Variants in PPHLN1 observed in about 807,000 individuals in gnomAD.
PPHLN1 encodes the protein periphilin 1, also known as periphilin-1.
PPHLN1 carries 29 observed loss-of-function variants against 51.3 expected under a neutral mutation model. The observed-to-expected ratio is 0.57, with a 90% CI of 0.42 to 0.77. PPHLN1 has a LOEUF of 0.77. Among genes scored for constraint, PPHLN1 ranks in the 30% least tolerant of loss-of-function variants. The probability of loss-of-function intolerance (pLI) is 0.00; values close to 1 mark genes in which losing one functional copy is unlikely to be tolerated. For missense variants in PPHLN1, 436 were observed against 438.4 expected, an observed-to-expected ratio of 0.99 and a Z score of 0.05; for synonymous variants, 147 against 147.8, an observed-to-expected ratio of 0.99 and a Z score of 0.04.
intron 9 of PPHLN1, among the ~76,000 whole-genome samples, chr12:42,415,201 T>G (rs537157354): frequency 6.6e-6 from 1 of 152,348 alleles, no homozygotes; most frequent in Non-Finnish European, 1.5e-5. Context: ...AGACGTAGTC[T>G]TGCTCTGTCG....
intron 9 of PPHLN1, among the ~76,000 whole-genome samples, chr12:42,440,974 T>C (rs1290569514): frequency 6.6e-6 from 1 of 152,264 alleles, no homozygotes; most frequent in Non-Finnish European, 1.5e-5. Flanking sequence ...ATGAACAAAG[T>C]CATTGATATG....
At chr12:42,425,574 A>G (rs1429707821) in intron 9 of PPHLN1, among the ~76,000 whole-genome samples, 1 of 142,474 alleles carries the variant, frequency 7.0e-6, no homozygotes, top group African/African-American at 2.7e-5. Flanking sequence ...TTTTTAGTAG[A>G]GATGAGGTTT....
intron 9 of PPHLN1, among the ~76,000 whole-genome samples, chr12:42,419,990 A>C (rs2080839804): frequency 6.6e-6 from 1 of 152,230 alleles, no homozygotes; most frequent in Non-Finnish European, 1.5e-5. Flanking sequence ...ATCATAGTCA[A>C]AACTGACTTT....
chr12:42,342,439 A>C (rs1488687219), intron 2 of PPHLN1, among the ~76,000 whole-genome samples: 1 of 152,202 alleles, frequency 6.6e-6, no homozygotes, highest in Non-Finnish European at 1.5e-5. Context: ...TTTTAAATAC[A>C]TGTAAACTTC....
chr12:42,341,615 AATTATT>A (rs372548741), intron 2 of PPHLN1, among the ~76,000 whole-genome samples: 6 of 151,816 alleles, frequency 4.0e-5, no homozygotes, highest in African/African-American at 1.4e-4. Context: ...TATGCTTTTA[AATTATT>A]ATTATTATTA....
At chr12:42,409,141 A>T (rs934332810) in intron 9 of PPHLN1, among the ~76,000 whole-genome samples, 6 of 152,102 alleles carry the variant, frequency 3.9e-5, no homozygotes, top group Non-Finnish European at 7.4e-5. Flanking sequence ...TTTTTGGACC[A>T]TGGTTGACCT....
chr12:42,414,094 T>TG (rs1208226417), intron 9 of PPHLN1, among the ~76,000 whole-genome samples: 1 of 152,144 alleles, frequency 6.6e-6, no homozygotes, highest in Non-Finnish European at 1.5e-5. Flanking sequence ...TGGAGTTCAA[T>TG]GGCACCATCT....
At chr12:42,329,863 A>C (rs1246234655) in intron 1 of PPHLN1, 1 of 152,174 alleles carries the variant, frequency 6.6e-6, no homozygotes, top group Admixed American at 6.5e-5. Context: ...ACACAGAGAC[A>C]AAGTATAGAG....
chr12:42,414,035 T>TTAC (rs1405338879), intron 9 of PPHLN1, among the ~76,000 whole-genome samples: 177 of 150,528 alleles, frequency 1.2e-3, no homozygotes, highest in African/African-American at 4.2e-3. Context: ...TTTATTATTA[T>TTAC]TTTATTTATT....
chr12:42,367,230 A>C (rs938545026), intron 4 of PPHLN1, among the ~76,000 whole-genome samples: 2 of 152,196 alleles, frequency 1.3e-5, no homozygotes, highest in Admixed American at 6.5e-5. Context: ...TTTCCTTCCA[A>C]CACTAACAGA....
chr12:42,357,041 C>T (rs1158019970), intron 4 of PPHLN1, among the ~76,000 whole-genome samples: 3 of 152,248 alleles, frequency 2.0e-5, no homozygotes, highest in Non-Finnish European at 4.4e-5. Context: ...AGCATGAAAA[C>T]TGTAATGAGT....
intron 4 of PPHLN1, among the ~76,000 whole-genome samples, chr12:42,368,280 G>C (rs375124923): frequency 5.3e-5 from 8 of 151,850 alleles, no homozygotes; most frequent in East Asian, 3.9e-4. Context: ...CAAACATTTA[G>C]CTTTTCAATT....
intron 9 of PPHLN1, among the ~76,000 whole-genome samples, chr12:42,435,477 A>G (rs2082400006): frequency 6.6e-6 from 1 of 152,190 alleles, no homozygotes; most frequent in Non-Finnish European, 1.5e-5. Context: ...TTAATACAGC[A>G]CAAGCAGCAA....
At chr12:42,393,029 C>T (rs927837561) in intron 7 of PPHLN1, among the ~76,000 whole-genome samples, 4 of 152,058 alleles carry the variant, frequency 2.6e-5, no homozygotes, top group African/African-American at 9.7e-5. Context: ...AAGTCCATAC[C>T]TTGTTTAGTA....
intron 1 of PPHLN1, chr12:42,332,763 G>A (rs569802374): frequency 2.9e-5 from 29 of 996,034 alleles, no homozygotes; most frequent in Middle Eastern, 3.3e-4. Flanking sequence ...GTGGGACACC[G>A]GTAAATTTTA....
At chr12:42,446,506 C>G (rs2083330900), downstream of PPHLN1, 1 of 1,497,034 alleles carries the variant, frequency 6.7e-7, no homozygotes, top group Non-Finnish European at 9.0e-7. Context: ...CCTAGAAAGA[C>G]CCCCACTCCT....
At chr12:42,394,097 T>C (rs2077984087) in intron 8 of PPHLN1, among the ~76,000 whole-genome samples, 1 of 152,128 alleles carries the variant, frequency 6.6e-6, no homozygotes. Context: ...TCATGCAGAT[T>C]ATCTCATAAA....
downstream of PPHLN1, chr12:42,445,369 C>A (rs2083254797): frequency 4.1e-6 from 2 of 490,458 alleles, no homozygotes; most frequent in Non-Finnish European, 7.4e-6. Flanking sequence ...ACAGGCACGT[C>A]CCCTCCTTCA....
At chr12:42,434,787 G>A (rs374953920) in intron 9 of PPHLN1, among the ~76,000 whole-genome samples, 3 of 152,084 alleles carry the variant, frequency 2.0e-5, no homozygotes, top group African/African-American at 4.8e-5. Flanking sequence ...TTGGTCTCCC[G>A]GGTTGAAGCA....
Sources: allele counts gnomAD v4.1 joint callset (sites outside exome capture counted in the v4.1 genomes callset), GRCh38; gene constraint gnomAD v4.1.1; transcripts MANE v1.5; gene names NCBI Gene and HGNC (gene_info 2026-07-23, HGNC 2026-07-21).